Variants in NDUFAF6 observed in about 807,000 individuals in gnomAD.
The protein encoded by NDUFAF6 is NADH:ubiquinone oxidoreductase complex assembly factor 6.
NDUFAF6 carries 45 observed loss-of-function variants against 40.8 expected under a neutral mutation model. The observed-to-expected ratio is 1.10, with a 90% CI of 0.87 to 1.42. NDUFAF6 has a LOEUF of 1.42. NDUFAF6 is among the 40% of genes most tolerant of loss of function. The pLI, the probability that NDUFAF6 is intolerant of heterozygous loss-of-function variation, is 0.00. For missense variants in NDUFAF6, 435 were observed against 418.5 expected (o/e 1.04, Z -0.34); for synonymous variants, 185 against 155.9 (o/e 1.19, Z -1.39).
intron 1 of NDUFAF6, among the ~76,000 whole-genome samples, chr8:94,980,090 C>G (rs929350638): frequency 4.0e-5 from 6 of 150,354 alleles, no homozygotes; most frequent in South Asian, 2.1e-4. Context: ...GAGTGAGACT[C>G]TGTCTCAAAG....
intron 2 of NDUFAF6, chr8:94,988,747 C>A (rs1222881789): frequency 6.6e-6 from 1 of 152,198 alleles, no homozygotes; most frequent in Non-Finnish European, 1.5e-5. Context: ...AACCCAGGCA[C>A]TTATTTACCT....
upstream of NDUFAF6, among the ~76,000 whole-genome samples, chr8:94,955,144 A>G (rs10808671): frequency 0.5 from 76,265 of 152,120 alleles, 19,678 homozygotes; most frequent in East Asian, 0.72. Context: ...GGTGCCTGGC[A>G]CATGTAGGTC....
downstream of NDUFAF6, among the ~76,000 whole-genome samples, chr8:95,059,611 G>A (rs1244106494): frequency 1.3e-5 from 2 of 152,172 alleles, no homozygotes; most frequent in Non-Finnish European, 2.9e-5. Flanking sequence ...CACTTTGGGA[G>A]GCTGAGGCGG....
chr8:95,052,362 G>A, intron 8 of NDUFAF6, 132 bp downstream of exon 8: 1 of 935,466 alleles, frequency 1.1e-6, no homozygotes, highest in Non-Finnish European at 1.7e-6. Flanking sequence ...CCTCATGGCG[G>A]CTTTCATTAG....
chr8:94,901,282 T>C (rs1563693446), intron 1 of NDUFAF6, among the ~76,000 whole-genome samples: 1 of 152,050 alleles, frequency 6.6e-6, no homozygotes, highest in Non-Finnish European at 1.5e-5. Context: ...GGCTGCTATG[T>C]GAAGCGTAGA....
In NDUFAF6 at chr8:94,940,294, C is replaced by T. The variant is rs573396175; in HGVS notation, c.-935-5189C>T. 3.3e-6 allele frequency: 5 copies of T among 1,497,390 alleles called. No individual in the cohort carries two copies. The African/African-American group carries it at 4.2e-5, about 13-fold the overall frequency. 92.8% of individuals were successfully genotyped at this position (1,497,390 alleles called of 1,614,324 possible). On this transcript the variant is annotated intron_variant, in intron 1 of 14. Transcript: ENST00000396113. ...ACAGGAGGATGATTATCACATTGGG[C>T]AGTCATTATAAAGTCACCCATCAAA...
At chr8:94,940,261 AGAGTCCC>A (rs749079038) in intron 1 of NDUFAF6, 5 of 1,555,198 alleles carry the variant, frequency 3.2e-6, no homozygotes, top group Non-Finnish European at 4.3e-6. Flanking sequence ...GTGTTGTTGA[AGAGTCCC>A]ACAGGAGGAT....
upstream of NDUFAF6, among the ~76,000 whole-genome samples, chr8:95,099,595 GAAAA>G (rs925216323): frequency 9.9e-5 from 15 of 151,502 alleles, no homozygotes; most frequent in African/African-American, 3.4e-4. Flanking sequence ...TAAAAAAAAA[GAAAA>G]AGAAAGAAAA....
At chr8:95,076,595 C>T (rs547652906), downstream of NDUFAF6, among the ~76,000 whole-genome samples, 14 of 152,264 alleles carry the variant, frequency 9.2e-5, no homozygotes, top group East Asian at 2.5e-3. Flanking sequence ...ACTCATAGGC[C>T]GGGCACGGTG....
At chr8:95,063,415 A>G (rs1284147871), downstream of NDUFAF6, among the ~76,000 whole-genome samples, 1 of 152,164 alleles carries the variant, frequency 6.6e-6, no homozygotes, top group East Asian at 1.9e-4. Context: ...CCTGGCCAAC[A>G]CGATGAAACC....
At chr8:94,979,328 TG>T (rs1173822647) in intron 1 of NDUFAF6, among the ~76,000 whole-genome samples, 1 of 152,222 alleles carries the variant, frequency 6.6e-6, no homozygotes, top group African/African-American at 2.4e-5. Flanking sequence ...GGTGAGGACC[TG>T]GGGCTTCTTG....
intron 2 of NDUFAF6, among the ~76,000 whole-genome samples, chr8:95,086,913 T>C (rs1809067158): frequency 6.6e-6 from 1 of 152,126 alleles, no homozygotes; most frequent in Admixed American, 6.5e-5. Context: ...CCCTCTTGTC[T>C]CTTGAGTGCC....
At chr8:94,949,354 TTTG>T (rs923689425) in intron 2 of NDUFAF6, 5 of 150,260 alleles carry the variant, frequency 3.3e-5, no homozygotes, top group Non-Finnish European at 7.4e-5. Flanking sequence ...TCCAAGTCCT[TTTG>T]TTGTTGTGCA....
At chr8:94,993,112 G>A (rs1418085465) in intron 2 of NDUFAF6, among the ~76,000 whole-genome samples, 1 of 152,158 alleles carries the variant, frequency 6.6e-6, no homozygotes, top group Non-Finnish European at 1.5e-5. Context: ...CCTCTTTTCT[G>A]AGGGTTAGAG....
intron 1 of NDUFAF6, among the ~76,000 whole-genome samples, chr8:94,914,067 G>A (rs1171064291): frequency 6.6e-6 from 1 of 151,428 alleles, no homozygotes; most frequent in African/African-American, 2.4e-5. Context: ...TGGGATTACA[G>A]GCGTGAGCCA....
chr8:95,057,425 A>G (rs1446325930), intron 8 of NDUFAF6, among the ~76,000 whole-genome samples: 2 of 151,984 alleles, frequency 1.3e-5, no homozygotes, highest in East Asian at 1.9e-4. Flanking sequence ...GCTCCCCCTC[A>G]TGGTACACTA....
At position 95,069,778 on chromosome 8, in the gene NDUFAF6, G is replaced by A. The variant is rs1304440992; in HGVS notation, c.*512-5855G>A. Among the ~76,000 whole-genome samples the A allele has an allele frequency of 4.6e-5, 6 of 131,694 alleles. No homozygotes were observed. The South Asian group carries it at 6.8e-4, about 15-fold the overall frequency. The allele number at this position is 131,694 out of a possible 152,430, so 86.4% of individuals were successfully genotyped here. On this transcript the variant is annotated intron_variant and NMD_transcript_variant, in intron 9 of 9. Transcript: ENST00000520757. ...CTGGGTGACAAGAGTGAGACTCCGC[G>A]TCAAAAAAAAAAAAAATTATATATA...
At chr8:95,005,282 C>T (rs2515230) in intron 2 of NDUFAF6, among the ~76,000 whole-genome samples, 2 of 151,860 alleles carry the variant, frequency 1.3e-5, no homozygotes, top group African/African-American at 2.4e-5. Flanking sequence ...ACAAAGAGAC[C>T]GAAAGGCATC....
rs745441353 is a variant in NDUFAF6 at position 95,035,510 on chromosome 8, A to G, written c.354A>G (p.Lys118=). The change falls in exon 3 of 9, where the codon AAA becomes AAG. Residue 118 remains lysine, a synonymous_variant. Transcript: ENST00000396124. ...GACTGATGCGAATGCAGTTTTGGAA[A>G]AAAACTGTGGAAGATATATACTGTG... ...TIGLMRMQFW[K]KTVEDIYCDN... The G allele has an allele frequency of 3.1e-6, 5 of 1,613,904 alleles. No individual in the cohort carries two copies. The highest frequency in any genetic ancestry group is 2.2e-5 in the South Asian group (2 of 91,076).
Sources: allele counts gnomAD v4.1 joint callset (sites outside exome capture counted in the v4.1 genomes callset), GRCh38; gene constraint gnomAD v4.1.1; transcripts MANE v1.5; gene names NCBI Gene and HGNC (gene_info 2026-07-23, HGNC 2026-07-21).